The following AMPH variants were observed in gnomAD, a reference collection of about 807,000 sequenced individuals.
AMPH encodes amphiphysin.
In AMPH, 49 loss-of-function variants were observed where a neutral mutation model predicts 99.1. The ratio of observed to expected loss-of-function variants is 0.49; its 90% CI spans 0.39 to 0.63. The LOEUF (loss-of-function observed/expected upper bound fraction) is 0.63. Among genes scored for constraint, AMPH ranks in the 20% least tolerant of loss-of-function variants. The pLI, the probability that AMPH is intolerant of heterozygous loss-of-function variation, is 0.00. For missense variants in AMPH, 759 were observed against 863.4 expected, an observed-to-expected ratio of 0.88 and a Z score of 1.52; for synonymous variants, 314 against 317.3, an observed-to-expected ratio of 0.99 and a Z score of 0.11.
chr7:38,409,926 G>A lies in AMPH; in HGVS notation c.1398+7899C>T, dbSNP rs373290299. Among the ~76,000 whole-genome samples the A allele has an allele frequency of 1.8e-4, 27 of 152,324 alleles. No homozygotes were observed. In the East Asian group the frequency reaches 4.4e-3, roughly 25 times the overall value. On this transcript the variant is annotated intron_variant, in intron 17 of 20. Coordinates refer to ENST00000356264, the MANE Select transcript of AMPH (RefSeq NM_001635.4). ...TATCCGCAACGCATAGGGGAGAAGT[G>A]GATAGGAAAAGGGGACTTATCTTTT... is the stretch of plus-strand genomic sequence containing the variant.
At chr7:38,528,046 T>C (rs1309464308) in intron 2 of AMPH, among the ~76,000 whole-genome samples, 2 of 152,200 alleles carry the variant, frequency 1.3e-5, no homozygotes, top group East Asian at 1.9e-4. Flanking sequence ...GTAAATTACA[T>C]TGATTGATTT....
intron 1 of AMPH, among the ~76,000 whole-genome samples, chr7:38,599,987 A>G (rs1793191211): frequency 6.6e-6 from 1 of 152,094 alleles, no homozygotes; most frequent in Non-Finnish European, 1.5e-5. Context: ...TATTCCTAAG[A>G]GTGGAATCAC....
intron 1 of AMPH, among the ~76,000 whole-genome samples, chr7:38,559,805 T>C (rs1791493244): frequency 6.6e-6 from 1 of 152,178 alleles, no homozygotes; most frequent in African/African-American, 2.4e-5. Flanking sequence ...CGATAACCTA[T>C]TCCTGCTTCA....
chr7:38,512,677 G>A (rs76520308), intron 2 of AMPH, among the ~76,000 whole-genome samples: 11,393 of 152,268 alleles, frequency 0.075, 602 homozygotes, highest in Middle Eastern at 0.17. Context: ...TTAAACTGGG[G>A]ACAGGCTTCA....
intron 1 of AMPH, among the ~76,000 whole-genome samples, chr7:38,540,465 A>G (rs1262182342): frequency 6.6e-6 from 1 of 152,064 alleles, no homozygotes; most frequent in Non-Finnish European, 1.5e-5. Context: ...AAAAGTAAAT[A>G]GGAAGGAAAA....
chr7:38,428,952 G>A, intron 14 of AMPH: 1 of 1,196,728 alleles, frequency 8.4e-7, no homozygotes, highest in South Asian at 1.3e-5. Context: ...CTTTCCTATG[G>A]TATTAAGAAG....
intron 1 of AMPH, among the ~76,000 whole-genome samples, chr7:38,583,826 C>T (rs1792552074): frequency 6.6e-6 from 1 of 152,242 alleles, no homozygotes; most frequent in Non-Finnish European, 1.5e-5. Context: ...GCACTGCTTA[C>T]TACCCACCAA....
intron 1 of AMPH, among the ~76,000 whole-genome samples, chr7:38,619,792 G>A (rs1166477632): frequency 6.6e-6 from 1 of 152,194 alleles, no homozygotes; most frequent in Non-Finnish European, 1.5e-5. Flanking sequence ...GTTTAGGAAT[G>A]CCAGTGGTCC....
At chr7:38,511,876 AAAG>A (rs1162131095) in intron 2 of AMPH, among the ~76,000 whole-genome samples, 1 of 152,244 alleles carries the variant, frequency 6.6e-6, no homozygotes, top group Admixed American at 6.5e-5. Flanking sequence ...ATATGCAATC[AAAG>A]AAGCCATTAT....
chr7:38,494,569 T>A, intron 3 of AMPH, 42 bp from the exon 4 acceptor site: 1 of 1,545,736 alleles, frequency 6.5e-7, no homozygotes, highest in Non-Finnish European at 8.9e-7. Flanking sequence ...CAGAAATGAG[T>A]GAGGATTCTC....
chr7:38,398,303 A>G (rs527646248), intron 17 of AMPH, among the ~76,000 whole-genome samples: 10 of 152,326 alleles, frequency 6.6e-5, no homozygotes, highest in African/African-American at 2.4e-4. Context: ...GTATCCATCA[A>G]CAGATGAATG....
chr7:38,447,028 T>TC (rs1786813744), intron 11 of AMPH, among the ~76,000 whole-genome samples: 1 of 136,452 alleles, frequency 7.3e-6, no homozygotes, highest in African/African-American at 2.8e-5. Context: ...TTTTTTTTTT[T>TC]GTTTGTTTGA....
intron 15 of AMPH, among the ~76,000 whole-genome samples, chr7:38,425,973 G>A (rs1785769406): frequency 6.6e-6 from 1 of 152,138 alleles, no homozygotes; most frequent in African/African-American, 2.4e-5. Flanking sequence ...ACCTTTCAAA[G>A]GAATTTTCTG....
chr7:38,474,250 AT>A (rs1202369568), intron 7 of AMPH, among the ~76,000 whole-genome samples: 1 of 152,066 alleles, frequency 6.6e-6, no homozygotes, highest in African/African-American at 2.4e-5. Flanking sequence ...CACCAAAAAA[AT>A]AAAATAAAAT....
intron 7 of AMPH, among the ~76,000 whole-genome samples, chr7:38,474,624 C>T (rs531005050): frequency 5.9e-5 from 9 of 152,000 alleles, no homozygotes; most frequent in African/African-American, 1.7e-4. Context: ...TTTAAAATAA[C>T]GTGGCATTAT....
intron 15 of AMPH, 87 bp from the exon 16 acceptor site, chr7:38,422,564 A>ATCTG (rs1785619829): frequency 9.4e-6 from 5 of 533,412 alleles, no homozygotes; most frequent in Admixed American, 3.2e-5. Context: ...GTATCTATCT[A>ATCTG]TCTATCTATC....
At chr7:38,385,548 G>A (rs549390008) in intron 20 of AMPH, among the ~76,000 whole-genome samples, 31 of 152,076 alleles carry the variant, frequency 2.0e-4, no homozygotes, top group East Asian at 3.8e-4. Context: ...TACTATTTTT[G>A]TTTTTATAAT....
intron 12 of AMPH, among the ~76,000 whole-genome samples, chr7:38,433,682 G>A (rs1786133211): frequency 1.5e-5 from 1 of 68,000 alleles, no homozygotes; most frequent in Non-Finnish European, 2.5e-5. Flanking sequence ...CCGAGATCCT[G>A]CCACTGCACT....
chr7:38,394,094 A>T lies in AMPH; in HGVS notation c.1519T>A (p.Leu507Ile), dbSNP rs770809668. Reference protein sequence around the residue: ...ATVPAGEGVSLEEAKIGTETT... With the variant: ...ATVPAGEGVSIEEAKIGTETT... ...TCAGTTCCAATTTTGGCCTCCTCTA[A>T]ACTTACTCCTTCCCCGGCAGGGACA... The change falls in exon 18 of 21, where the codon TTA becomes ATA. Residue 507 changes from leucine (L) to isoleucine (I), a missense_variant. Coordinates refer to ENST00000356264, the MANE Select transcript of AMPH (RefSeq NM_001635.4). The T allele has an allele frequency of 1.9e-6, 3 of 1,613,826 alleles. No individual in the cohort carries two copies. Among genetic ancestry groups the T allele is most frequent in the Non-Finnish European group, 2.5e-6 (3 of 1,179,988 alleles).
Sources: allele counts gnomAD v4.1 joint callset (sites outside exome capture counted in the v4.1 genomes callset), GRCh38; gene constraint gnomAD v4.1.1; transcripts MANE v1.5; gene names NCBI Gene and HGNC (gene_info 2026-07-23, HGNC 2026-07-21).